The following CSF2RB variants were observed in gnomAD, a reference collection of about 807,000 sequenced individuals.
The protein encoded by CSF2RB is cytokine receptor common subunit beta.
In CSF2RB, 22 loss-of-function variants were observed where a neutral mutation model predicts 67.2. The ratio of observed to expected loss-of-function variants is 0.33; its 90% confidence interval spans 0.23 to 0.47. The LOEUF (loss-of-function observed/expected upper bound fraction) is 0.47, where lower values mean the gene tolerates loss of function less well. CSF2RB is among the 20% of genes least tolerant of loss of function. The pLI is 1.00. For missense variants in CSF2RB, 1,113 were observed against 1,174.5 expected, an observed-to-expected ratio of 0.95 and a Z score of 0.76; for synonymous variants, 507 against 482.9, an observed-to-expected ratio of 1.05 and a Z score of -0.65.
chr22:36,929,856 C>T (rs373445901), intron 6 of CSF2RB, 49 bp downstream of exon 6: 33 of 1,587,644 alleles, frequency 2.1e-5, no homozygotes, highest in Non-Finnish European at 2.7e-5. Flanking sequence ...AGGGCAGGCT[C>T]ATCAGGAGCT....
At chr22:36,926,914 G>A (rs1428669007) in intron 4 of CSF2RB, among the ~76,000 whole-genome samples, 1 of 141,888 alleles carries the variant, frequency 7.0e-6, no homozygotes, top group Non-Finnish European at 1.5e-5. Context: ...GTGGCAGGCT[G>A]GTAGGAGGTA....
Position 36,929,766 on chromosome 22 carries a change from C to A in CSF2RB, c.677C>A (p.Pro226His). Residue 226 changes from proline (P) to histidine (H), a missense_variant, in exon 6 of 14, where the codon CCC (proline) becomes CAC (histidine). By Grantham distance (77) the Pro-to-His change is moderately conservative. Coordinates refer to ENST00000403662, the MANE Select transcript of CSF2RB (RefSeq NM_000395.3). ...CCAGGTTCTCGGCTCTCAGGACGTC[C>A]CAGCAAGTGGAGCCCAGAGGTTTGC... ...LAPGSRLSGRPSKWSPEVCWD... is the reference protein window; with the variant it reads ...LAPGSRLSGRHSKWSPEVCWD... 6.2e-7 allele frequency: 1 copy of A among 1,614,094 alleles called. No homozygotes were observed. Among genetic ancestry groups the A allele is most frequent in the Non-Finnish European group, 8.5e-7 (1 of 1,179,990 alleles).
rs76140753 is a variant in CSF2RB, at chr22:36,922,276, G to A, written c.69G>A (p.Gly23=). The change falls in exon 2 of 14, where the codon GGG becomes GGA. Residue 23 remains glycine (G), a synonymous_variant. Coordinates refer to ENST00000403662, the MANE Select transcript of CSF2RB (RefSeq NM_000395.3). ...LALCWERSLA[G]AEETIPLQTL... ...TGTGCTGGGAGCGCAGCCTGGCAGGGGCAGAAGGTGAGTCCCGTGGCTCCC... is the reference window on the plus strand; with the variant it reads ...TGTGCTGGGAGCGCAGCCTGGCAGGAGCAGAAGGTGAGTCCCGTGGCTCCC... The A allele has an allele frequency of 1.4e-3, 2,130 of 1,575,232 alleles. 31 individuals are homozygous for A. In the African/African-American group the frequency reaches 0.026, roughly 20 times the overall value.
chr22:36,938,241 G>A lies in CSF2RB; in HGVS notation c.2433G>A (p.Glu811=), dbSNP rs767354052. The change falls in exon 14 of 14, where the codon GAG becomes GAA. Residue 811 remains glutamate (E), a synonymous_variant. Transcript: ENST00000403662. ...TGTCCCCAACATCCCCACAGCCCGA[G>A]GGCCTCCTTGTCCTGCAGCAAGTGG... ...ADVSPTSPQP[E]GLLVLQQVGD... is the part of the protein sequence containing the mutation. 1.9e-6 allele frequency: 3 copies of A among 1,614,180 alleles called. No homozygotes were observed. The highest frequency in any genetic ancestry group is 2.2e-5 in the East Asian group (1 of 44,880).
chr22:36,918,852 T>C (rs1190455181), intron 1 of CSF2RB, among the ~76,000 whole-genome samples: 1 of 152,220 alleles, frequency 6.6e-6, no homozygotes, highest in Non-Finnish European at 1.5e-5. Context: ...TTCTGTTGCA[T>C]CATCTTCACA....
chr22:36,915,556 G>A (rs1304856561), intron 1 of CSF2RB, among the ~76,000 whole-genome samples: 2 of 151,754 alleles, frequency 1.3e-5, no homozygotes. Flanking sequence ...TATTAGGATG[G>A]GTACACCACA....
At chr22:36,915,127 C>G (rs375171232) in intron 1 of CSF2RB, among the ~76,000 whole-genome samples, 2 of 152,196 alleles carry the variant, frequency 1.3e-5, no homozygotes, top group East Asian at 3.9e-4. Flanking sequence ...TCTTGTCGCC[C>G]AGGCTGGAAT....
intron 10 of CSF2RB, 131 bp from the exon 11 acceptor site, chr22:36,935,220 C>A: frequency 1.2e-6 from 1 of 812,924 alleles, no homozygotes; most frequent in African/African-American, 1.7e-5. Flanking sequence ...TCCCCCAAGG[C>A]AGTAAGTTCC....
Position 36,932,808 on chromosome 22 carries a change from C to T in CSF2RB, c.1056C>T (p.Asp352=), listed in dbSNP as rs777703438. 2 of 1,614,096 alleles carry T rather than the reference C, an allele frequency of 1.2e-6. No individual in the cohort carries two copies. Among genetic ancestry groups the T allele is most frequent in the South Asian group, 2.2e-5 (2 of 91,062 alleles). The change falls in exon 9 of 14, where the codon GAC becomes GAT. Residue 352 remains aspartate, a synonymous_variant. Transcript: ENST00000403662. ...PPSLNVTKDG[D]SYSLRWETMK... The stretch of plus-strand genomic sequence containing the variant: ...CCCTCAACGTGACCAAGGATGGAGA[C>T]AGCTACAGCCTGCGCTGGGAAACAA...
At chr22:36,917,100 T>G (rs564720381) in intron 1 of CSF2RB, among the ~76,000 whole-genome samples, 22 of 152,320 alleles carry the variant, frequency 1.4e-4, no homozygotes, top group African/African-American at 4.1e-4. Flanking sequence ...CTGCTTCATT[T>G]GCCAGGGTTT....
rs538837400 is a variant in CSF2RB at position 36,921,189 on chromosome 22, A to G, written c.-172-847A>G. ...TGTGTGTATATGTGTATATATGTGT[A>G]TATACATGTATGTATCTGTGTTGTT... On this transcript the variant is annotated intron_variant, in intron 1 of 13. Transcript: ENST00000403662. Among the ~76,000 whole-genome samples, 19 of 147,690 alleles carry G rather than the reference A, an allele frequency of 1.3e-4. No individual in the cohort carries two copies. In the South Asian group the frequency reaches 4.1e-3, roughly 32 times the overall value.
chr22:36,935,489 G>A, intron 11 of CSF2RB, 48 bp downstream of exon 11: 1 of 1,600,260 alleles, frequency 6.2e-7, no homozygotes, highest in Non-Finnish European at 8.6e-7. Context: ...ACCCCAGAGG[G>A]CACTGGGGAA....
chr22:36,919,423 G>T (rs945896218), intron 1 of CSF2RB, among the ~76,000 whole-genome samples: 9 of 151,872 alleles, frequency 5.9e-5, no homozygotes, highest in Non-Finnish European at 1.3e-4. Flanking sequence ...TTGTTTGTTT[G>T]TTTTTTTGAG....
At chr22:36,929,603 A>G (rs762515992) in intron 5 of CSF2RB, 36 bp from the exon 6 acceptor site, 38 of 1,614,180 alleles carry the variant, frequency 2.4e-5, no homozygotes, top group Non-Finnish European at 3.1e-5. Context: ...AGGGATGGGC[A>G]GCACCCCTCC....
chr22:36,938,844 CT>C lies in CSF2RB; in HGVS notation c.*348del, dbSNP rs1198132052. The C allele has an allele frequency of 5.6e-6, 3 of 535,538 alleles. No homozygotes were observed. In the African/African-American group the frequency reaches 5.7e-5, roughly 10 times the overall value. 33.2% of individuals were successfully genotyped at this position (535,538 alleles called of 1,614,324 possible). A position where few individuals can be genotyped will look rare whatever the true frequency, so the allele number is the denominator to read the frequency against. On this transcript the variant is annotated 3_prime_UTR_variant, in exon 14 of 14. Coordinates refer to ENST00000403662, the MANE Select transcript of CSF2RB (RefSeq NM_000395.3). ...CTTGCTTTTGCCATTTTTCTTCCTT[CT>C]TTTTTCACTGATTTATTATGAGAGT...
chr22:36,920,323 C>T (rs1940827393), intron 1 of CSF2RB, among the ~76,000 whole-genome samples: 1 of 152,196 alleles, frequency 6.6e-6, no homozygotes, highest in Non-Finnish European at 1.5e-5. Context: ...TTGAAGTGCA[C>T]CCAAGTTTAT....
chr22:36,935,205 C>T, intron 10 of CSF2RB, 146 bp from the exon 11 acceptor site: 1 of 769,732 alleles, frequency 1.3e-6, no homozygotes, highest in Non-Finnish European at 2.3e-6. Context: ...GCCTCTCTCC[C>T]CTAATCCCCC....
chr22:36,928,907 A>G (rs1176634781), intron 4 of CSF2RB, among the ~76,000 whole-genome samples: 1 of 152,136 alleles, frequency 6.6e-6, no homozygotes, highest in Non-Finnish European at 1.5e-5. Context: ...GCTATGGTGA[A>G]ATGAGAGAAG....
intron 3 of CSF2RB, among the ~76,000 whole-genome samples, chr22:36,925,779 G>A (rs1256371174): frequency 6.6e-6 from 1 of 152,112 alleles, no homozygotes; most frequent in East Asian, 1.9e-4. Flanking sequence ...TCCACATGAA[G>A]TTCTCTCCAC....
Sources: gnomAD v4.1 joint callset for allele counts (sites outside exome capture counted in the v4.1 genomes callset) on GRCh38, gnomAD v4.1.1 for gene constraint, MANE v1.5 for transcripts, NCBI Gene and HGNC (gene_info 2026-07-23, HGNC 2026-07-21) for gene names.